EML1: variants seen among roughly 807,000 people sequenced by gnomAD.
EML1 encodes echinoderm microtubule-associated protein-like 1.
EML1 carries 27 observed loss-of-function variants against 110.4 expected under a neutral mutation model. That is an observed-to-expected ratio of 0.24 (90% CI 0.18 to 0.34). The LOEUF is 0.34. Ranked by LOEUF, EML1 falls within the 10% of genes least tolerant of loss-of-function variation. The pLI, the probability that EML1 is intolerant of heterozygous loss-of-function variation, is 1.00. For missense variants in EML1, 741 were observed against 1,030.9 expected (o/e 0.72, Z 3.85); for synonymous variants, 344 against 385.8 (o/e 0.89, Z 1.27).
chr14:99,810,139 CT>C (rs953790347), intron 1 of EML1, among the ~76,000 whole-genome samples: 3 of 152,116 alleles, frequency 2.0e-5, no homozygotes, highest in Admixed American at 1.3e-4. Flanking sequence ...GCTGGCGCCC[CT>C]GGGGGAACTG....
intron 2 of EML1, among the ~76,000 whole-genome samples, chr14:99,855,720 A>T (rs938208047): frequency 6.6e-5 from 10 of 152,230 alleles, no homozygotes; most frequent in African/African-American, 2.4e-4. Context: ...CAACTTTTAC[A>T]ATCAGTTATA....
At chr14:99,878,711 A>G (rs1595421560) in intron 4 of EML1, 92 bp downstream of exon 4, 3 of 1,496,162 alleles carry the variant, frequency 2.0e-6, no homozygotes, top group South Asian at 1.4e-5. Flanking sequence ...TCATATTCCA[A>G]CAAGCTGGGA....
At chr14:99,748,548 C>T (rs2057139553) in intron 1 of EML1, among the ~76,000 whole-genome samples, 1 of 152,058 alleles carries the variant, frequency 6.6e-6, no homozygotes, top group South Asian at 2.1e-4. Flanking sequence ...GCAGGAGGAT[C>T]CCTTGAGTCC....
chr14:99,842,599 A>G (rs576024569), intron 1 of EML1, among the ~76,000 whole-genome samples: 3 of 152,322 alleles, frequency 2.0e-5, no homozygotes, highest in African/African-American at 7.2e-5. Flanking sequence ...AACCATTTGT[A>G]TTTGAAGGCA....
At position 99,760,333 on chromosome 14, in the gene EML1, T is replaced by C. The variant is rs187849548; in HGVS notation, c.28+22473T>C. ...TGTGCAAAGTTGCCCTATCAAGTCA[T>C]TGGTAAAATGGTGCCTCCAGTTTCC... is the stretch of plus-strand genomic sequence containing the variant. On this transcript the variant is annotated intron_variant, in intron 1 of 10. Coordinates refer to the EML1 transcript ENST00000554479. Among the ~76,000 whole-genome samples the C allele has an allele frequency of 4.9e-4, 75 of 152,210 alleles. 1 individual carries two copies. The East Asian group carries it at 0.012, about 25-fold the overall frequency.
rs35376029 is a variant in EML1 at position 99,747,187 on chromosome 14, C to CAAAA, written c.28+9343_28+9346dup. The stretch of plus-strand genomic sequence containing the variant: ...TTGGTGGCAGAGCTAGACCCCGTCT[C>CAAAA]AAAAAAAAAAAAAAAAAAAGGAAGA... On this transcript the variant is annotated intron_variant, in intron 1 of 10. Transcript: ENST00000554479. Among the ~76,000 whole-genome samples the CAAAA allele has an allele frequency of 2.5e-3, 236 of 95,442 alleles. 2 individuals carry two copies. The highest frequency in any genetic ancestry group is 0.014 in the East Asian group (46 of 3,302). 62.6% of individuals were successfully genotyped at this position (95,442 alleles called of 152,430 possible).
intron 1 of EML1, among the ~76,000 whole-genome samples, chr14:99,740,835 A>G (rs2140158854): frequency 6.6e-6 from 1 of 151,794 alleles, no homozygotes; most frequent in African/African-American, 2.4e-5. Flanking sequence ...CCTGGCATAG[A>G]TGGGGCCTCA....
At position 99,939,923 on chromosome 14, in the gene EML1, C is replaced by CT; in HGVS notation, c.2323-61dup. 4 of 1,463,346 alleles carry CT rather than the reference C, an allele frequency of 2.7e-6. No individual in the cohort carries two copies. The highest frequency in any genetic ancestry group is 3.6e-6 in the Non-Finnish European group (4 of 1,103,292). 90.6% of individuals were successfully genotyped at this position (1,463,346 alleles called of 1,614,324 possible). On this transcript the variant is annotated intron_variant, in intron 21 of 21. Coordinates refer to ENST00000262233, the MANE Select transcript of EML1 (RefSeq NM_004434.3). This position sits in a 1 kb window ranked among gnomAD's most constrained non-coding sequence, Gnocchi z 4.2. The stretch of plus-strand genomic sequence containing the variant: ...AAGGCATGCAGTGAGAATTCAAGCA[C>CT]TTTCCCATCCCAGATGGTTCGCCTT...
chr14:99,783,354 G>A (rs35426224), intron 1 of EML1, among the ~76,000 whole-genome samples: 7,799 of 151,928 alleles, frequency 0.051, 253 homozygotes, highest in Non-Finnish European at 0.073. Flanking sequence ...GTATTCCATG[G>A]TGTATATGTG....
At chr14:99,794,164 T>C (rs2057725938) in intron 1 of EML1, among the ~76,000 whole-genome samples, 1 of 152,220 alleles carries the variant, frequency 6.6e-6, no homozygotes, top group South Asian at 2.1e-4. Flanking sequence ...GTTTTTGCAA[T>C]TTTACAGGAA....
chr14:99,851,828 C>T (rs923911702), intron 2 of EML1, among the ~76,000 whole-genome samples: 9 of 152,114 alleles, frequency 5.9e-5, no homozygotes, highest in Non-Finnish European at 1.0e-4. Context: ...GCAGAGGTGG[C>T]GGGCCTCCCT....
At chr14:99,907,799 G>A (rs2059878559) in intron 10 of EML1, 66 bp downstream of exon 10, 1 of 1,507,430 alleles carries the variant, frequency 6.6e-7, no homozygotes, top group Non-Finnish European at 9.2e-7. Flanking sequence ...CTGGCATAGT[G>A]GTAGCCCCCT....
chr14:99,841,153 G>C (rs1300650482), intron 1 of EML1, among the ~76,000 whole-genome samples: 2 of 152,304 alleles, frequency 1.3e-5, no homozygotes, highest in South Asian at 4.1e-4. Flanking sequence ...GGGCTCGTGT[G>C]GCATCAAACC....
chr14:99,737,854 T>A (rs1017206769), exon 1 of EML1: 1 of 1,289,138 alleles, frequency 7.8e-7, no homozygotes, highest in Non-Finnish European at 1.0e-6. Context: ...CGAGGGCCCC[T>A]CCGCCGGTGA....
At chr14:99,917,439 G>C (rs924774172) in intron 15 of EML1, among the ~76,000 whole-genome samples, 3 of 152,086 alleles carry the variant, frequency 2.0e-5, no homozygotes, top group African/African-American at 7.2e-5. Context: ...GCCAGGTGTG[G>C]TGACACACAC....
intron 2 of EML1, among the ~76,000 whole-genome samples, chr14:99,854,748 T>C (rs1024037009): frequency 6.6e-6 from 1 of 152,198 alleles, no homozygotes; most frequent in Non-Finnish European, 1.5e-5. Flanking sequence ...TGACTTGGAA[T>C]GTTTCCACTT....
intron 6 of EML1, among the ~76,000 whole-genome samples, chr14:99,896,193 T>C (rs979000521): frequency 2.0e-5 from 3 of 152,188 alleles, no homozygotes; most frequent in Non-Finnish European, 4.4e-5. Flanking sequence ...TTCAAATATT[T>C]GAGTACCTGT....
At chr14:99,802,137 G>T (rs1211147999) in intron 1 of EML1, among the ~76,000 whole-genome samples, 1 of 152,124 alleles carries the variant, frequency 6.6e-6, no homozygotes, top group Non-Finnish European at 1.5e-5. Context: ...AGGTGGGAGT[G>T]GGGAGAGCCA....
intron 1 of EML1, among the ~76,000 whole-genome samples, chr14:99,835,299 G>T (rs903821096): frequency 6.6e-6 from 1 of 151,672 alleles, no homozygotes; most frequent in Non-Finnish European, 1.5e-5. Context: ...GATATCTATC[G>T]ATCTGTAGTA....
Sources: gnomAD v4.1 joint callset for allele counts (sites outside exome capture counted in the v4.1 genomes callset) on GRCh38, gnomAD v4.1.1 for gene constraint, Gnocchi (gnomAD v3.1) non-coding constraint, MANE v1.5 for transcripts, NCBI Gene and HGNC (gene_info 2026-07-23, HGNC 2026-07-21) for gene names.